Variants in LCP1 observed in about 807,000 individuals in gnomAD.
LCP1 encodes the protein lymphocyte cytosolic protein 1.
LCP1 carries 23 observed loss-of-function variants against 72.0 expected under a neutral mutation model. The observed-to-expected ratio is 0.32, with a 90% CI of 0.23 to 0.45. The LOEUF is 0.45. LCP1 is among the 20% of genes least tolerant of loss of function. LCP1 has a pLI of 1.00. For synonymous variants in LCP1, 245 were observed against 275.4 expected (o/e 0.89, Z 1.09); for missense variants, 571 against 748.3 (o/e 0.76, Z 2.76).
At position 46,128,381 on chromosome 13, in the gene LCP1, A is replaced by G. The variant is rs552662063; in HGVS notation, c.1752-658T>C. 1.9e-4 allele frequency among the ~76,000 whole-genome samples: 29 copies of G among 152,258 alleles called. No individual in the cohort carries two copies. The South Asian group carries it at 2.1e-3, about 11-fold the overall frequency. On this transcript the variant is annotated intron_variant, in intron 15 of 15. Coordinates refer to ENST00000323076, the MANE Select transcript of LCP1 (RefSeq NM_002298.5). ...CGGGTGGCCGAGGCGGGTGGATCAC[A>G]AGGTCAGGAGATCGAGACCATCCTG... is the stretch of plus-strand genomic sequence containing the variant.
intron 13 of LCP1, among the ~76,000 whole-genome samples, chr13:46,137,534 C>CT (rs2045672254): frequency 6.6e-6 from 1 of 152,034 alleles, no homozygotes; most frequent in Non-Finnish European, 1.5e-5. Context: ...GAGCAAAACT[C>CT]TGTCTCAAAA....
intron 13 of LCP1, 115 bp from the exon 14 acceptor site, chr13:46,134,365 C>A: frequency 2.4e-6 from 2 of 825,094 alleles, no homozygotes; most frequent in South Asian, 1.7e-5. Flanking sequence ...ACAGTCTGGA[C>A]ACCATTACAT....
At chr13:46,163,520 C>T (rs1296234822) in intron 1 of LCP1, among the ~76,000 whole-genome samples, 2 of 152,040 alleles carry the variant, frequency 1.3e-5, no homozygotes, top group African/African-American at 4.8e-5. Context: ...GGGTCCTCTG[C>T]CTAGGAAAAC....
At chr13:46,165,620 T>C (rs2045872234) in intron 1 of LCP1, among the ~76,000 whole-genome samples, 1 of 152,146 alleles carries the variant, frequency 6.6e-6, no homozygotes. Context: ...AAGGTATAAG[T>C]GAGTGGTTTC....
At chr13:46,155,905 T>A (rs2045798414) in intron 5 of LCP1, among the ~76,000 whole-genome samples, 1 of 152,204 alleles carries the variant, frequency 6.6e-6, no homozygotes, top group East Asian at 1.9e-4. Context: ...TCTGCTTTCA[T>A]GGTGAGCCAC....
chr13:46,170,342 C>T (rs2045898906), intron 1 of LCP1, among the ~76,000 whole-genome samples: 1 of 152,268 alleles, frequency 6.6e-6, no homozygotes, highest in Non-Finnish European at 1.5e-5. Context: ...CCTGTGCCTG[C>T]TGCCTAGCCC....
At chr13:46,171,611 AT>A (rs769438489) in intron 1 of LCP1, among the ~76,000 whole-genome samples, 1 of 152,214 alleles carries the variant, frequency 6.6e-6, no homozygotes, top group Non-Finnish European at 1.5e-5. Flanking sequence ...AATAAAGCAC[AT>A]ACCTTGTCCT....
At chr13:46,148,575 A>C in intron 8 of LCP1, 128 bp from the exon 9 acceptor site, 1 of 675,358 alleles carries the variant, frequency 1.5e-6, no homozygotes, top group Non-Finnish European at 2.5e-6. Flanking sequence ...TAACTTAACA[A>C]AGCTAGAAAC....
chr13:46,151,303 G>C, intron 7 of LCP1, among the ~76,000 whole-genome samples: 1 of 152,174 alleles, frequency 6.6e-6, no homozygotes, highest in South Asian at 2.1e-4. Context: ...TTTCCAGATG[G>C]AGAAAACAAA....
intron 5 of LCP1, among the ~76,000 whole-genome samples, chr13:46,155,940 T>C (rs1459512982): frequency 3.3e-5 from 5 of 152,328 alleles, no homozygotes; most frequent in Non-Finnish European, 5.9e-5. Context: ...AAGCAGCATA[T>C]ATTCCAAAAA....
chr13:46,161,069 A>C (rs1053257003), intron 1 of LCP1, among the ~76,000 whole-genome samples: 19 of 152,210 alleles, frequency 1.2e-4, no homozygotes, highest in African/African-American at 4.3e-4. Context: ...CCATTATCCA[A>C]CAAATTACCA....
chr13:46,146,805 C>T lies in LCP1; in HGVS notation c.1174+103G>A. On this transcript the variant is annotated intron_variant, in intron 10 of 15. Coordinates refer to ENST00000323076, the MANE Select transcript of LCP1 (RefSeq NM_002298.5). ...TACCAGAGAATTAATGGCCTGTTTG[C>T]ACATGTAAATAGTTTATATTTGCTT... 4.4e-6 allele frequency: 5 copies of T among 1,142,656 alleles called. No individual in the cohort carries two copies. The South Asian group carries it at 6.3e-5, about 14-fold the overall frequency. 70.8% of individuals were successfully genotyped at this position (1,142,656 alleles called of 1,614,324 possible). A position where few individuals can be genotyped will look rare whatever the true frequency, so the allele number is the denominator to read the frequency against.
At chr13:46,145,095 G>A (rs561668012) in intron 10 of LCP1, among the ~76,000 whole-genome samples, 1 of 152,180 alleles carries the variant, frequency 6.6e-6, no homozygotes, top group African/African-American at 2.4e-5. Flanking sequence ...GTTTGGTCAG[G>A]GGTGTGTGTT....
chr13:46,162,881 T>G (rs2045851500), intron 1 of LCP1, among the ~76,000 whole-genome samples: 1 of 148,584 alleles, frequency 6.7e-6, no homozygotes, highest in Non-Finnish European at 1.5e-5. Context: ...CTGCCCCGTC[T>G]GAGAAGTGAG....
intron 7 of LCP1, among the ~76,000 whole-genome samples, chr13:46,151,577 G>A (rs984284143): frequency 1.3e-5 from 2 of 152,174 alleles, no homozygotes; most frequent in African/African-American, 4.8e-5. Flanking sequence ...TCCCAGATGA[G>A]TAAGTATTTT....
chr13:46,155,458 A>G (rs1160004709), intron 5 of LCP1, among the ~76,000 whole-genome samples: 1 of 152,198 alleles, frequency 6.6e-6, no homozygotes, highest in Non-Finnish European at 1.5e-5. Context: ...GCAACCTAAA[A>G]GCTAGAATTT....
At chr13:46,141,084 T>C (rs7323686) in intron 13 of LCP1, among the ~76,000 whole-genome samples, 88,062 of 151,878 alleles carry the variant, frequency 0.58, 26,613 homozygotes, top group African/African-American at 0.77. Context: ...ACCCATAGAT[T>C]CTATAAGTTC....
chr13:46,148,261 G>C, intron 9 of LCP1, 91 bp downstream of exon 9: 3 of 862,260 alleles, frequency 3.5e-6, no homozygotes, highest in East Asian at 4.9e-5. Flanking sequence ...CCCAGTCATG[G>C]AACTCCAGAA....
chr13:46,159,718 T>C (rs2045826233), intron 1 of LCP1, 32 bp from the exon 2 acceptor site: 4 of 1,328,610 alleles, frequency 3.0e-6, no homozygotes, highest in Non-Finnish European at 1.1e-6. Context: ...GGGATAACTT[T>C]TGTGCATTTG....
Sources: gnomAD v4.1 joint callset for allele counts (sites outside exome capture counted in the v4.1 genomes callset) on GRCh38, gnomAD v4.1.1 for gene constraint, MANE v1.5 for transcripts, NCBI Gene and HGNC (gene_info 2026-07-23, HGNC 2026-07-21) for gene names.